The following ANKRD28 variants were observed in gnomAD, a reference collection of about 807,000 sequenced individuals.
The protein encoded by ANKRD28 is serine/threonine-protein phosphatase 6 regulatory ankyrin repeat subunit A.
ANKRD28 carries 44 observed loss-of-function variants against 126.5 expected under a neutral mutation model. The observed-to-expected ratio is 0.35, with a 90% CI of 0.27 to 0.45. The LOEUF (loss-of-function observed/expected upper bound fraction) is 0.45. Among genes scored for constraint, ANKRD28 ranks in the 20% least tolerant of loss-of-function variants. The probability of loss-of-function intolerance (pLI) is 1.00; values close to 1 mark genes in which losing one functional copy is unlikely to be tolerated. For synonymous variants in ANKRD28, 442 were observed against 468.5 expected (o/e 0.94, Z 0.73); for missense variants, 1,110 against 1,316.6 (o/e 0.84, Z 2.43).
intron 14 of ANKRD28, among the ~76,000 whole-genome samples, chr3:15,701,508 G>C (rs1378317893): frequency 1.3e-5 from 2 of 152,084 alleles, no homozygotes; most frequent in Non-Finnish European, 2.9e-5. Context: ...GCCAGGCATG[G>C]TGGCACACAC....
In ANKRD28 at chr3:15,843,528, C is replaced by T. The variant is rs1184776304; in HGVS notation, c.27+15849G>A. Reference sequence around the variant, plus strand: ...TGAAAAATAAGAGATAAACAATACACCTCAATTTCAAATAAGGATAGAATT... The same window carrying T: ...TGAAAAATAAGAGATAAACAATACATCTCAATTTCAAATAAGGATAGAATT... On this transcript the variant is annotated intron_variant, in intron 1 of 27. Coordinates refer to the ANKRD28 transcript ENST00000399451. This position sits in a 1 kb window ranked among gnomAD's most constrained non-coding sequence, Gnocchi z 5.2. Among the ~76,000 whole-genome samples the T allele has an allele frequency of 6.6e-6, 1 of 151,830 alleles. No homozygotes were observed. The highest frequency in any genetic ancestry group is 1.5e-5 in the Non-Finnish European group (1 of 67,988).
At chr3:15,779,981 G>A (rs2059468806) in intron 2 of ANKRD28, among the ~76,000 whole-genome samples, 1 of 152,080 alleles carries the variant, frequency 6.6e-6, no homozygotes, top group African/African-American at 2.4e-5. Flanking sequence ...CACACTTAAC[G>A]TACAAAGTTG....
At chr3:15,784,727 C>A (rs1285036894) in intron 2 of ANKRD28, among the ~76,000 whole-genome samples, 2 of 151,878 alleles carry the variant, frequency 1.3e-5, no homozygotes, top group Non-Finnish European at 2.9e-5. Context: ...CAGACTCGAT[C>A]AAAAAACAAT....
At chr3:15,773,458 C>G (rs2125622599) in intron 2 of ANKRD28, among the ~76,000 whole-genome samples, 1 of 152,208 alleles carries the variant, frequency 6.6e-6, no homozygotes, top group South Asian at 2.1e-4. Context: ...AACCCTGCCT[C>G]TACTAAAAAT....
At position 15,838,311 on chromosome 3, in the gene ANKRD28, C is replaced by T. The variant is rs76176486; in HGVS notation, c.27+21066G>A. On this transcript the variant is annotated intron_variant, in intron 1 of 27. Transcript: ENST00000399451. The surrounding 1 kb of genome is among the most constrained non-coding windows in gnomAD (Gnocchi z 4.0). ...ACCAAAGCCAGACAAAGATATCACACGAATAGAGATTTTTTTTAATCCTAA... is the reference window on the plus strand; with the variant it reads ...ACCAAAGCCAGACAAAGATATCACATGAATAGAGATTTTTTTTAATCCTAA... Among the ~76,000 whole-genome samples, 1,860 of 152,212 alleles carry T rather than the reference C, an allele frequency of 0.012. 17 individuals carry two copies. The highest frequency in any genetic ancestry group is 0.031 in the Middle Eastern group (9 of 294).
At chr3:15,859,257 A>G in intron 1 of ANKRD28, 1 of 1,402,244 alleles carries the variant, frequency 7.1e-7, no homozygotes. Flanking sequence ...CCGGGGCAGG[A>G]CCCCCGTTTC....
intron 6 of ANKRD28, among the ~76,000 whole-genome samples, chr3:15,731,616 A>AG (rs1335008860): frequency 2.0e-5 from 3 of 152,126 alleles, no homozygotes; most frequent in Admixed American, 2.0e-4. Flanking sequence ...CCAAGCTTTC[A>AG]GCTTTAAAAA....
intron 12 of ANKRD28, 41 bp from the exon 13 acceptor site, chr3:15,709,777 G>GATTTTATA: frequency 7.4e-7 from 1 of 1,344,428 alleles, no homozygotes; most frequent in Non-Finnish European, 1.0e-6. Flanking sequence ...AATTGACAGT[G>GATTTTATA]ATTTTATAAT....
In ANKRD28 at chr3:15,812,237, G is replaced by A. The variant is rs1377004694; in HGVS notation, c.28-16931C>T. 6.6e-6 allele frequency among the ~76,000 whole-genome samples: 1 copy of A among 152,156 alleles called. No homozygotes were observed. The highest frequency in any genetic ancestry group is 2.4e-5 in the African/African-American group (1 of 41,426). Reference sequence around the variant, plus strand: ...AATCAAAGATGGCATCATAGAGCTGGGCACAGCGGTGTACACCTGTAGTCC... The same window carrying A: ...AATCAAAGATGGCATCATAGAGCTGAGCACAGCGGTGTACACCTGTAGTCC... On this transcript the variant is annotated intron_variant, in intron 1 of 27. Transcript: ENST00000399451. The surrounding 1 kb of genome is among the most constrained non-coding windows in gnomAD (Gnocchi z 4.1).
At chr3:15,692,974 G>A (rs969455063) in intron 17 of ANKRD28, among the ~76,000 whole-genome samples, 1 of 152,124 alleles carries the variant, frequency 6.6e-6, no homozygotes, top group Admixed American at 6.5e-5. Flanking sequence ...GATGAAACCT[G>A]CTAGATGAAA....
At chr3:15,671,810 C>T (rs1304271526) in intron 27 of ANKRD28, among the ~76,000 whole-genome samples, 2 of 151,830 alleles carry the variant, frequency 1.3e-5, no homozygotes, top group African/African-American at 4.8e-5. Context: ...GTCTCAAACT[C>T]CTGGCCTCAA....
intron 2 of ANKRD28, among the ~76,000 whole-genome samples, chr3:15,792,454 T>C (rs935017433): frequency 7.9e-5 from 12 of 152,036 alleles, no homozygotes; most frequent in Admixed American, 5.2e-4. Context: ...TTAACCGAAA[T>C]AAGGCAGGCA....
intron 14 of ANKRD28, among the ~76,000 whole-genome samples, chr3:15,704,282 A>G (rs1460117883): frequency 6.6e-6 from 1 of 152,108 alleles, no homozygotes; most frequent in Non-Finnish European, 1.5e-5. Flanking sequence ...GGTAACAAGC[A>G]GAATGACTAG....
At chr3:15,827,380 TA>T (rs1345790776) in intron 1 of ANKRD28, among the ~76,000 whole-genome samples, 1 of 151,932 alleles carries the variant, frequency 6.6e-6, no homozygotes, top group East Asian at 1.9e-4. Context: ...TGTCCATCAA[TA>T]AATGAAAAAA....
At chr3:15,682,576 T>C (rs551486634) in intron 21 of ANKRD28, among the ~76,000 whole-genome samples, 2 of 152,346 alleles carry the variant, frequency 1.3e-5, no homozygotes, top group East Asian at 1.9e-4. Context: ...AGTTCTGTGA[T>C]TGAATGACTA....
At chr3:15,693,110 G>A (rs1461875333) in intron 17 of ANKRD28, among the ~76,000 whole-genome samples, 1 of 152,276 alleles carries the variant, frequency 6.6e-6, no homozygotes, top group South Asian at 2.1e-4. Context: ...AGGAGAAACA[G>A]GGAGATGTTT....
Position 15,686,064 on chromosome 3 carries a change from G to C in ANKRD28, c.2107C>G (p.Leu703Val), listed in dbSNP as rs752015321. 2.5e-6 allele frequency: 4 copies of C among 1,613,748 alleles called. No individual in the cohort carries two copies. The highest frequency in any genetic ancestry group is 3.4e-6 in the Non-Finnish European group (4 of 1,179,808). Residue 703 changes from leucine to valine, a missense_variant, in exon 20 of 28, where the codon CTG (leucine) becomes GTG (valine). Leu to Val is a conservative substitution (Grantham distance 32, BLOSUM62 1). Coordinates refer to ENST00000683139, the MANE Select transcript of ANKRD28 (RefSeq NM_001349278.2). ...GCATCTACATTTGCTCCTTTGTTCA[G>C]CAATGAGTAAACACAGTCTGTGTGC... ...NGHTDCVYSLLNKGANVDAKD... is the reference protein window; with the variant it reads ...NGHTDCVYSLVNKGANVDAKD...
chr3:15,783,362 A>G (rs905606005), intron 2 of ANKRD28, among the ~76,000 whole-genome samples: 2 of 152,066 alleles, frequency 1.3e-5, no homozygotes, highest in African/African-American at 4.8e-5. Context: ...ATTTTAAAAG[A>G]CTGATTATAC....
At chr3:15,836,639 C>A (rs988732583) in intron 1 of ANKRD28, among the ~76,000 whole-genome samples, 1 of 152,082 alleles carries the variant, frequency 6.6e-6, no homozygotes, top group East Asian at 1.9e-4. Flanking sequence ...ATATACCACA[C>A]AAAGAATACC....
Sources: gnomAD v4.1 joint callset for allele counts (sites outside exome capture counted in the v4.1 genomes callset) on GRCh38, gnomAD v4.1.1 for gene constraint, Gnocchi (gnomAD v3.1) non-coding constraint, MANE v1.5 for transcripts, NCBI Gene and HGNC (gene_info 2026-07-23, HGNC 2026-07-21) for gene names.